Variants in NEBL observed in about 807,000 individuals in gnomAD.
NEBL encodes the protein LIM and SH3 protein 2.
NEBL carries 122 observed loss-of-function variants against 140.2 expected under a neutral mutation model. The ratio of observed to expected loss-of-function variants is 0.87; its 90% confidence interval spans 0.75 to 1.01. The LOEUF is 1.01. Ranked by LOEUF, NEBL falls within the 50% of genes least tolerant of loss-of-function variation. The probability of loss-of-function intolerance (pLI) is 0.00; values close to 1 mark genes in which losing one functional copy is unlikely to be tolerated. For missense variants in NEBL, 1,365 were observed against 1,231.3 expected, an observed-to-expected ratio of 1.11 and a Z score of -1.62; for synonymous variants, 436 against 398.9, an observed-to-expected ratio of 1.09 and a Z score of -1.11.
At chr10:21,197,926 A>ATGAT (rs1564541148) in intron 3 of NEBL, among the ~76,000 whole-genome samples, 1 of 151,916 alleles carries the variant, frequency 6.6e-6, no homozygotes, top group Non-Finnish European at 1.5e-5. Flanking sequence ...CTCACCCTCC[A>ATGAT]TGATTCCCTT....
chr10:20,951,744 AAAT>A (rs1230956195), intron 4 of NEBL, among the ~76,000 whole-genome samples: 1 of 152,232 alleles, frequency 6.6e-6, no homozygotes, highest in African/African-American at 2.4e-5. Context: ...GGGACTCCAA[AAAT>A]ATATACATAA....
chr10:21,025,110 G>A (rs1838971858), intron 2 of NEBL, among the ~76,000 whole-genome samples: 1 of 151,686 alleles, frequency 6.6e-6, no homozygotes, highest in East Asian at 1.9e-4. Context: ...GTAGGAAGAA[G>A]ACACAGGGCA....
At chr10:20,870,746 A>G (rs560456140) in intron 5 of NEBL, among the ~76,000 whole-genome samples, 1 of 152,340 alleles carries the variant, frequency 6.6e-6, no homozygotes, top group Admixed American at 6.5e-5. Context: ...CCAAAATAAA[A>G]ACAATTACAT....
At chr10:21,231,853 G>T (rs1241000952) in intron 3 of NEBL, among the ~76,000 whole-genome samples, 1 of 151,846 alleles carries the variant, frequency 6.6e-6, no homozygotes, top group Non-Finnish European at 1.5e-5. Flanking sequence ...CCCCCTCTTG[G>T]CCAAGGACAC....
chr10:21,025,377 A>T (rs961508632), intron 2 of NEBL, among the ~76,000 whole-genome samples: 2 of 152,224 alleles, frequency 1.3e-5, no homozygotes, highest in Non-Finnish European at 2.9e-5. Context: ...ACAAATCCAG[A>T]TTTCCATAAA....
chr10:20,915,241 C>T (rs1848496765), intron 4 of NEBL, among the ~76,000 whole-genome samples: 1 of 151,884 alleles, frequency 6.6e-6, no homozygotes, highest in Non-Finnish European at 1.5e-5. Flanking sequence ...AGGAACCAGG[C>T]TTTGAAATTT....
intron 3 of NEBL, among the ~76,000 whole-genome samples, chr10:21,214,956 C>T (rs940167707): frequency 2.0e-5 from 3 of 152,108 alleles, no homozygotes; most frequent in African/African-American, 2.4e-5. Context: ...TTTTCCCTGC[C>T]GGGGAGGAGC....
chr10:21,103,558 T>C (rs1837575871), intron 2 of NEBL, among the ~76,000 whole-genome samples: 2 of 152,190 alleles, frequency 1.3e-5, no homozygotes, highest in Admixed American at 6.6e-5. Flanking sequence ...TTAGCCATCC[T>C]AACAAAAGTG....
chr10:20,978,439 A>C (rs1474625956), intron 3 of NEBL, among the ~76,000 whole-genome samples: 1 of 152,160 alleles, frequency 6.6e-6, no homozygotes, highest in Non-Finnish European at 1.5e-5. Context: ...CCAAAAAAAA[A>C]AACGAGTTAT....
chr10:20,950,652 A>G (rs1351314212), intron 4 of NEBL, among the ~76,000 whole-genome samples: 2 of 152,208 alleles, frequency 1.3e-5, no homozygotes, highest in Non-Finnish European at 2.9e-5. Context: ...GTAACTGTGA[A>G]GGTAATTTCT....
At chr10:20,888,354 G>A (rs1425883327) in intron 3 of NEBL, 147 bp from the exon 4 acceptor site, 2 of 644,132 alleles carry the variant, frequency 3.1e-6, no homozygotes, top group East Asian at 2.8e-5. Context: ...TACCAGAGCT[G>A]ACAAACTCCA....
At chr10:21,243,961 C>T (rs141757093) in intron 3 of NEBL, among the ~76,000 whole-genome samples, 1,637 of 105,024 alleles carry the variant, frequency 0.016, 33 homozygotes, top group African/African-American at 0.061. Context: ...GGGAAGAGGA[C>T]GGAAGGGAGG....
intron 1 of NEBL, among the ~76,000 whole-genome samples, chr10:21,289,884 T>C (rs1191343417): frequency 6.6e-6 from 1 of 152,236 alleles, no homozygotes; most frequent in East Asian, 1.9e-4. Flanking sequence ...CTGTTGTCTG[T>C]GGCTGCTTCT....
chr10:21,227,702 TTCTTCTTCTTTCTTCTTCTTCTTC>T (rs1833746420), intron 3 of NEBL, among the ~76,000 whole-genome samples: 25 of 68,346 alleles, frequency 3.7e-4, no homozygotes, highest in South Asian at 2.6e-3. Context: ...CTTCTTCTTC[TTCTTCTTCTTTCTTCTTCTTCTTC>T]TTCTTCTTCT....
intron 2 of NEBL, among the ~76,000 whole-genome samples, chr10:21,035,773 T>G (rs1397922069): frequency 6.6e-6 from 1 of 152,026 alleles, no homozygotes; most frequent in Non-Finnish European, 1.5e-5. Flanking sequence ...ATGGCAAACC[T>G]CCCACCCAAA....
chr10:20,962,122 C>A (rs949535315), intron 3 of NEBL, among the ~76,000 whole-genome samples: 6 of 152,154 alleles, frequency 3.9e-5, no homozygotes, highest in Non-Finnish European at 8.8e-5. Context: ...CAAGTAAGTA[C>A]TCCATAATAG....
chr10:21,254,212 A>G (rs1213870853), intron 1 of NEBL, among the ~76,000 whole-genome samples: 1 of 152,138 alleles, frequency 6.6e-6, no homozygotes, highest in Non-Finnish European at 1.5e-5. Context: ...ATCATAGCTC[A>G]CTGCAGCCTT....
chr10:21,180,169 A>C (rs988648793), intron 3 of NEBL, among the ~76,000 whole-genome samples: 2 of 152,016 alleles, frequency 1.3e-5, no homozygotes, highest in African/African-American at 4.8e-5. Flanking sequence ...AAAGGCAAGG[A>C]AACAGATTAT....
intron 1 of NEBL, among the ~76,000 whole-genome samples, chr10:21,280,211 C>G (rs1192722765): frequency 1.3e-5 from 2 of 152,066 alleles, no homozygotes; most frequent in Admixed American, 6.6e-5. Context: ...AGCATGGGTT[C>G]CAGAACACAT....
Sources: allele counts gnomAD v4.1 joint callset (sites outside exome capture counted in the v4.1 genomes callset), GRCh38; gene constraint gnomAD v4.1.1; transcripts MANE v1.5; gene names NCBI Gene and HGNC (gene_info 2026-07-23, HGNC 2026-07-21).